FHIT: variants seen among roughly 807,000 people sequenced by gnomAD.
FHIT encodes bis(5'-adenosyl)-triphosphatase.
FHIT carries 19 observed loss-of-function variants against 17.9 expected under a neutral mutation model. The ratio of observed to expected loss-of-function variants is 1.06; its 90% CI spans 0.74 to 1.56. The LOEUF is 1.56. FHIT is among the 40% of genes most tolerant of loss of function. The probability of loss-of-function intolerance (pLI) is 0.00; values close to 1 mark genes in which losing one functional copy is unlikely to be tolerated. For synonymous variants in FHIT, 81 were observed against 69.7 expected, an observed-to-expected ratio of 1.16 and a Z score of -0.81; for missense variants, 248 against 189.2, an observed-to-expected ratio of 1.31 and a Z score of -1.82.
In FHIT at chr3:59,899,900, GC is replaced by G. The variant is rs1704248465; in HGVS notation, c.348+22445del. ...TATTGCAGGCCTAGCACTCTGCCAG[GC>G]CAGGAGTTGGCAAACGTTTTCTATA... On this transcript the variant is annotated intron_variant, in intron 8 of 9. Coordinates refer to ENST00000492590, the MANE Select transcript of FHIT (RefSeq NM_002012.4). Among the ~76,000 whole-genome samples, 12 of 152,266 alleles carry G rather than the reference GC, an allele frequency of 7.9e-5. No homozygotes were observed. In the South Asian group the frequency reaches 2.5e-3, roughly 32 times the overall value.
intron 8 of FHIT, among the ~76,000 whole-genome samples, chr3:59,904,668 T>C (rs1028465731): frequency 6.6e-6 from 1 of 152,132 alleles, no homozygotes; most frequent in African/African-American, 2.4e-5. Context: ...CCCTGAGCTC[T>C]TGTACCATGC....
intron 4 of FHIT, among the ~76,000 whole-genome samples, chr3:60,689,439 A>G (rs2040937243): frequency 6.6e-6 from 1 of 152,188 alleles, no homozygotes; most frequent in African/African-American, 2.4e-5. Context: ...TAAGTAGTCT[A>G]GAGATAATTT....
chr3:60,162,759 C>T (rs558609068), intron 5 of FHIT, among the ~76,000 whole-genome samples: 28 of 152,246 alleles, frequency 1.8e-4, no homozygotes, highest in East Asian at 1.7e-3. Flanking sequence ...TTAGTCACTA[C>T]GCTATACTCC....
chr3:60,319,027 T>C (rs1397252359), intron 5 of FHIT, among the ~76,000 whole-genome samples: 1 of 152,094 alleles, frequency 6.6e-6, no homozygotes, highest in African/African-American at 2.4e-5. Context: ...TCCTCCTGCC[T>C]TCCTCTTCTT....
intron 8 of FHIT, among the ~76,000 whole-genome samples, chr3:59,807,929 C>T (rs1700266672): frequency 6.6e-6 from 1 of 152,166 alleles, no homozygotes; most frequent in Admixed American, 6.5e-5. Context: ...AACATACACA[C>T]ATAACGTAAA....
chr3:60,210,949 G>T (rs1473420283), intron 5 of FHIT, among the ~76,000 whole-genome samples: 1 of 151,212 alleles, frequency 6.6e-6, no homozygotes, highest in Non-Finnish European at 1.5e-5. Context: ...TTTGCACAAA[G>T]CAATTCACTG....
At chr3:60,228,437 T>A (rs1007584907) in intron 5 of FHIT, among the ~76,000 whole-genome samples, 11 of 152,142 alleles carry the variant, frequency 7.2e-5, no homozygotes, top group Non-Finnish European at 1.3e-4. Flanking sequence ...AAAAAGCCAC[T>A]GAATTGCATA....
At chr3:60,915,093 C>T (rs782259420) in intron 3 of FHIT, among the ~76,000 whole-genome samples, 4 of 152,178 alleles carry the variant, frequency 2.6e-5, no homozygotes, top group Non-Finnish European at 5.9e-5. Context: ...GGTTTTCCAA[C>T]AACAGAGAGT....
intron 8 of FHIT, among the ~76,000 whole-genome samples, chr3:59,821,762 A>T (rs539561539): frequency 5.6e-4 from 85 of 152,192 alleles, no homozygotes; most frequent in African/African-American, 1.5e-3. Flanking sequence ...TTTTAAAAAA[A>T]ATATATAAAT....
At chr3:60,774,267 T>A (rs1700142912) in intron 4 of FHIT, among the ~76,000 whole-genome samples, 1 of 152,186 alleles carries the variant, frequency 6.6e-6, no homozygotes, top group South Asian at 2.1e-4. Context: ...CATACTGTTT[T>A]TTCCCTATAT....
intron 3 of FHIT, among the ~76,000 whole-genome samples, chr3:60,840,191 C>G (rs1170997128): frequency 1.3e-5 from 2 of 152,030 alleles, no homozygotes; most frequent in African/African-American, 4.8e-5. Flanking sequence ...CAATAGACAG[C>G]GAGGAAGGAG....
At chr3:60,200,870 T>C (rs1350325171) in intron 5 of FHIT, among the ~76,000 whole-genome samples, 1 of 152,172 alleles carries the variant, frequency 6.6e-6, no homozygotes, top group Non-Finnish European at 1.5e-5. Flanking sequence ...TTTCCCAAGA[T>C]GTCTTTCTTT....
chr3:59,768,512 T>C (rs1384084647), intron 8 of FHIT, among the ~76,000 whole-genome samples: 1 of 152,220 alleles, frequency 6.6e-6, no homozygotes, highest in African/African-American at 2.4e-5. Flanking sequence ...TGGTTCCATT[T>C]CAGGACACTT....
intron 5 of FHIT, among the ~76,000 whole-genome samples, chr3:60,369,857 G>A (rs1700251998): frequency 6.6e-6 from 1 of 152,060 alleles, no homozygotes; most frequent in African/African-American, 2.4e-5. Context: ...CCTAGCCACT[G>A]GCCAATGGCA....
chr3:60,717,750 C>T (rs2041719115), intron 4 of FHIT, among the ~76,000 whole-genome samples: 1 of 152,120 alleles, frequency 6.6e-6, no homozygotes, highest in Non-Finnish European at 1.5e-5. Flanking sequence ...TTCTTTGTGC[C>T]ATGCTTGAAC....
intron 5 of FHIT, among the ~76,000 whole-genome samples, chr3:60,152,166 A>T (rs1289474990): frequency 3.9e-5 from 6 of 152,146 alleles, no homozygotes; most frequent in Admixed American, 2.6e-4. Context: ...TTTGGTGAAA[A>T]CCTGATAATC....
chr3:61,142,798 G>A (rs1016410132), intron 2 of FHIT, among the ~76,000 whole-genome samples: 1 of 152,018 alleles, frequency 6.6e-6, no homozygotes, highest in African/African-American at 2.4e-5. Flanking sequence ...TTTAAAATTA[G>A]GCTGTTAGCC....
chr3:59,903,609 C>G (rs78681226), intron 8 of FHIT, among the ~76,000 whole-genome samples: 6,269 of 152,190 alleles, frequency 0.041, 166 homozygotes, highest in Non-Finnish European at 0.056. Context: ...TTAAAATACT[C>G]AAACATATGT....
Position 60,028,968 on chromosome 3 carries a change from G to T in FHIT, c.104-14816C>A, listed in dbSNP as rs182866895. On this transcript the variant is annotated intron_variant, in intron 5 of 9. Coordinates refer to ENST00000492590, the MANE Select transcript of FHIT (RefSeq NM_002012.4). ...TGACAATCAGCCAAAGCACAGAAAA[G>T]ATGCCCCATCTGTACTGTTAGTTGC... Among the ~76,000 whole-genome samples the T allele has an allele frequency of 5.3e-5, 8 of 152,298 alleles. No individual in the cohort carries two copies. The East Asian group carries it at 1.5e-3, about 29-fold the overall frequency.
Sources: gnomAD v4.1 joint callset for allele counts (sites outside exome capture counted in the v4.1 genomes callset) on GRCh38, gnomAD v4.1.1 for gene constraint, MANE v1.5 for transcripts, NCBI Gene and HGNC (gene_info 2026-07-23, HGNC 2026-07-21) for gene names.